Variants in TIAM1 observed in about 807,000 individuals in gnomAD.
TIAM1 encodes the protein TIAM Rac1 associated GEF 1, also known as rho guanine nucleotide exchange factor TIAM1.
TIAM1 carries 65 observed loss-of-function variants against 163.5 expected under a neutral mutation model. That is an observed-to-expected ratio of 0.40 (90% CI 0.33 to 0.49). The LOEUF (loss-of-function observed/expected upper bound fraction) is 0.49, where lower values mean the gene tolerates loss of function less well. Ranked by LOEUF, TIAM1 falls within the 20% of genes least tolerant of loss-of-function variation. The pLI, the probability that TIAM1 is intolerant of heterozygous loss-of-function variation, is 0.77. For synonymous variants in TIAM1, 833 were observed against 810.1 expected, an observed-to-expected ratio of 1.03 and a Z score of -0.48; for missense variants, 1,789 against 2,044.7, an observed-to-expected ratio of 0.87 and a Z score of 2.41.
At chr21:31,294,380 G>C (rs1365848127) in intron 2 of TIAM1, among the ~76,000 whole-genome samples, 1 of 152,200 alleles carries the variant, frequency 6.6e-6, no homozygotes, top group Non-Finnish European at 1.5e-5. Flanking sequence ...AGCAAGCTGA[G>C]AGTGTTGGCT....
Position 31,122,365 on chromosome 21 carries a change from C to A in TIAM1, c.4307-1528G>T, listed in dbSNP as rs147630452. 3.2e-3 allele frequency among the ~76,000 whole-genome samples: 485 copies of A among 152,346 alleles called. 3 individuals are homozygous for A. The highest frequency in any genetic ancestry group is 0.011 in the African/African-American group (465 of 41,578). On this transcript the variant is annotated intron_variant, in intron 27 of 27. Coordinates refer to ENST00000541036, the MANE Select transcript of TIAM1 (RefSeq NM_001353694.2). The stretch of plus-strand genomic sequence containing the variant: ...CACCAGCAAAATACAGCATCCCTCT[C>A]TCCAATCACCACATTAGAACTACCC...
In TIAM1 at chr21:31,152,937, A is replaced by C. The variant is rs182222316; in HGVS notation, c.3240+129T>G. 63 of 1,275,354 alleles carry C rather than the reference A, an allele frequency of 4.9e-5. No homozygotes were observed. The African/African-American group carries it at 8.4e-4, about 17-fold the overall frequency. The allele number at this position is 1,275,354 out of a possible 1,614,324, so 79.0% of individuals were successfully genotyped here. ...AGCACACCAAAGCTTAGCAGGCAAT[A>C]ATTTCAGCTAGTTACAATTAAATAA... On this transcript the variant is annotated intron_variant, in intron 18 of 27. Transcript: ENST00000541036.
At chr21:31,222,615 G>A (rs73351602) in intron 8 of TIAM1, among the ~76,000 whole-genome samples, 2,382 of 139,248 alleles carry the variant, frequency 0.017, 78 homozygotes, top group African/African-American at 0.06. Context: ...AGAGATCTGT[G>A]TTCCATATAT....
chr21:31,473,429 C>CAAAAAAAAAA (rs56691495), intron 1 of TIAM1, among the ~76,000 whole-genome samples: 5 of 75,740 alleles, frequency 6.6e-5, no homozygotes, highest in Non-Finnish European at 1.1e-4. Flanking sequence ...GACTCCATCT[C>CAAAAAAAAAA]AAAAAAAAAA....
chr21:31,205,286 G>A (rs1029345463), intron 11 of TIAM1, among the ~76,000 whole-genome samples: 1 of 152,174 alleles, frequency 6.6e-6, no homozygotes. Flanking sequence ...CGACTGAGGC[G>A]GAAGGGAAAG....
At chr21:31,427,160 C>T (rs934344362) in intron 2 of TIAM1, among the ~76,000 whole-genome samples, 2 of 152,156 alleles carry the variant, frequency 1.3e-5, no homozygotes, top group Admixed American at 1.3e-4. Flanking sequence ...TCAAGCAATC[C>T]TCCCGCCTTG....
chr21:31,378,214 A>C (rs1328939668), intron 2 of TIAM1, among the ~76,000 whole-genome samples: 2 of 151,878 alleles, frequency 1.3e-5, no homozygotes, highest in Non-Finnish European at 2.9e-5. Context: ...AAGATAAGCC[A>C]AAAGAGCCAC....
At chr21:31,465,028 T>A (rs2045473561) in intron 1 of TIAM1, among the ~76,000 whole-genome samples, 1 of 151,516 alleles carries the variant, frequency 6.6e-6, no homozygotes, top group African/African-American at 2.4e-5. Flanking sequence ...AAAATAAATT[T>A]AAAAATAAAA....
Position 31,419,006 on chromosome 21 carries a change from C to T in TIAM1, c.-369+44977G>A, listed in dbSNP as rs144096568. ...TGCAAATTACTCTTCTCTGCACCTC[C>T]CATGGTCTCCACGAGATCTGCCGGG... On this transcript the variant is annotated intron_variant, in intron 2 of 28. Transcript: ENST00000286827. 2.3e-3 allele frequency among the ~76,000 whole-genome samples: 356 copies of T among 152,280 alleles called. 1 individual carries two copies. The highest frequency in any genetic ancestry group is 7.8e-3 in the African/African-American group (326 of 41,554).
rs115354153 is a variant in TIAM1 at position 31,337,297 on chromosome 21, C to A, written c.-189+1946G>T. On this transcript the variant is annotated intron_variant, in intron 2 of 27. Coordinates refer to ENST00000541036, the MANE Select transcript of TIAM1 (RefSeq NM_001353694.2). ...ATATGTGCACCCTTCTCAGGGTTAG[C>A]CCTTGCTAGGGATGCCCTGGGGGTA... 4.4e-3 allele frequency among the ~76,000 whole-genome samples: 664 copies of A among 151,970 alleles called. 4 individuals carry two copies. The highest frequency in any genetic ancestry group is 0.015 in the African/African-American group (622 of 41,432).
At chr21:31,128,275 T>C (rs563255469) in intron 25 of TIAM1, among the ~76,000 whole-genome samples, 91 of 152,334 alleles carry the variant, frequency 6.0e-4, no homozygotes, top group African/African-American at 2.0e-3. Context: ...TCAAATCCAC[T>C]AGAGTGGATT....
chr21:31,350,613 ATC>A (rs1569255555), intron 2 of TIAM1, among the ~76,000 whole-genome samples: 1 of 152,008 alleles, frequency 6.6e-6, no homozygotes, highest in Non-Finnish European at 1.5e-5. Context: ...ATCTCCCCGC[ATC>A]TCTCTTTTGC....
chr21:31,465,914 G>T (rs2045514698), intron 1 of TIAM1, among the ~76,000 whole-genome samples: 1 of 152,056 alleles, frequency 6.6e-6, no homozygotes, highest in African/African-American at 2.4e-5. Context: ...CACCGTGTTG[G>T]CCTGGCTGGA....
rs2081898658 is a variant in TIAM1, at chr21:31,118,834, G to A, written c.*1534C>T. On this transcript the variant is annotated 3_prime_UTR_variant, in exon 28 of 28. Transcript: ENST00000541036. ...AAGCCCTGGAAACCCGAAAGGCGGG[G>A]GGAATACAGGGTGGGAACGCAGGAA... The A allele has an allele frequency of 2.8e-6, 1 of 351,640 alleles. No homozygotes were observed. Among genetic ancestry groups the A allele is most frequent in the South Asian group, 2.2e-5 (1 of 44,848 alleles). 21.8% of individuals were successfully genotyped at this position (351,640 alleles called of 1,614,324 possible).
chr21:31,176,251 CAA>C (rs1351021253), intron 15 of TIAM1, among the ~76,000 whole-genome samples: 1 of 152,102 alleles, frequency 6.6e-6, no homozygotes, highest in Non-Finnish European at 1.5e-5. Flanking sequence ...CACAAGAACA[CAA>C]GAGAGACTTT....
At chr21:31,362,626 C>A (rs1195812831) in intron 2 of TIAM1, among the ~76,000 whole-genome samples, 1 of 151,716 alleles carries the variant, frequency 6.6e-6, no homozygotes, top group Admixed American at 6.6e-5. Context: ...ACTACCACAC[C>A]CGGCTAATTT....
intron 2 of TIAM1, among the ~76,000 whole-genome samples, chr21:31,291,337 A>G (rs1341538644): frequency 6.6e-6 from 1 of 152,090 alleles, no homozygotes; most frequent in Non-Finnish European, 1.5e-5. Context: ...AACAACAAAA[A>G]AGCTTAATCT....
chr21:31,269,168 TC>T (rs2072934819), intron 3 of TIAM1, among the ~76,000 whole-genome samples: 1 of 152,228 alleles, frequency 6.6e-6, no homozygotes, highest in African/African-American at 2.4e-5. Context: ...AGAAAACTCA[TC>T]AAGTTAAAAG....
upstream of TIAM1, among the ~76,000 whole-genome samples, chr21:31,346,506 G>A (rs1445770841): frequency 1.3e-5 from 2 of 152,190 alleles, no homozygotes; most frequent in Non-Finnish European, 2.9e-5. Context: ...CAATCATGAA[G>A]GGGATGGGAG....
Sources: allele counts gnomAD v4.1 joint callset (sites outside exome capture counted in the v4.1 genomes callset), GRCh38; gene constraint gnomAD v4.1.1; transcripts MANE v1.5; gene names NCBI Gene and HGNC (gene_info 2026-07-23, HGNC 2026-07-21).